KIF13A: variants seen among roughly 807,000 people sequenced by gnomAD.
The protein encoded by KIF13A is kinesin family member 13A, also known as kinesin-like protein KIF13A.
A neutral mutation model predicts 212.2 loss-of-function variants in KIF13A; 79 were observed. That is an observed-to-expected ratio of 0.37 (90% CI 0.31 to 0.45). The LOEUF (loss-of-function observed/expected upper bound fraction) is 0.45, where lower values mean the gene tolerates loss of function less well. Ranked by LOEUF, KIF13A falls within the 20% of genes least tolerant of loss-of-function variation. KIF13A has a pLI of 1.00. For missense variants in KIF13A, 1,901 were observed against 2,209.0 expected (o/e 0.86, Z 2.79); for synonymous variants, 789 against 808.6 (o/e 0.98, Z 0.41).
intron 2 of KIF13A, among the ~76,000 whole-genome samples, chr6:17,979,772 AAAAAAAAGAGAGACT>A (rs1780891514): frequency 6.6e-6 from 1 of 152,096 alleles, no homozygotes; most frequent in African/African-American, 2.4e-5. Context: ...GGTTTGAAAA[AAAAAAAAGAGAGACT>A]AAAAAAAGAG....
chr6:17,846,041 C>CTTTTTTTTT (rs34232861), intron 9 of KIF13A, among the ~76,000 whole-genome samples: 8 of 83,254 alleles, frequency 9.6e-5, no homozygotes, highest in Non-Finnish European at 1.6e-4. Flanking sequence ...GGAACTCAAC[C>CTTTTTTTTT]TTTTTTTTTT....
chr6:17,896,688 T>G (rs1049522483), intron 3 of KIF13A, among the ~76,000 whole-genome samples: 2 of 152,244 alleles, frequency 1.3e-5, no homozygotes, highest in Non-Finnish European at 2.9e-5. Context: ...TGGGAACCAC[T>G]AGGCTATATA....
intron 2 of KIF13A, among the ~76,000 whole-genome samples, chr6:17,928,479 A>C (rs1232077104): frequency 6.6e-6 from 1 of 152,208 alleles, no homozygotes; most frequent in Admixed American, 6.5e-5. Flanking sequence ...CCACCACCAA[A>C]GGGCAGAGGA....
At chr6:17,859,821 G>A (rs1768559308) in intron 4 of KIF13A, among the ~76,000 whole-genome samples, 1 of 151,562 alleles carries the variant, frequency 6.6e-6, no homozygotes, top group South Asian at 2.1e-4. Flanking sequence ...ATCTTTAGTA[G>A]AGACGAGGTT....
chr6:17,781,311 T>A lies in KIF13A; in HGVS notation c.3545-10A>T. The A allele has an allele frequency of 6.4e-7, 1 of 1,560,652 alleles. No homozygotes were observed. Among genetic ancestry groups the A allele is most frequent in the Non-Finnish European group, 8.6e-7 (1 of 1,158,748 alleles). On this transcript the variant is annotated splice_polypyrimidine_tract_variant and intron_variant, in intron 29 of 38. Transcript: ENST00000259711. Reference sequence around the variant, plus strand: ...GCACTGAGGTCATCCGCTAACCACATCAGGAGCACAGAAAAAACAGTAGGG... The same window carrying A: ...GCACTGAGGTCATCCGCTAACCACAACAGGAGCACAGAAAAAACAGTAGGG...
At chr6:17,761,017 T>C (rs900201065), downstream of KIF13A, 7 of 745,764 alleles carry the variant, frequency 9.4e-6, no homozygotes, top group African/African-American at 8.8e-5. Context: ...GGTTTTATTA[T>C]GGAATCCAGT....
At position 17,912,764 on chromosome 6, in the gene KIF13A, C is replaced by G. The variant is rs772560755; in HGVS notation, c.147-14584G>C. 1.3e-4 allele frequency among the ~76,000 whole-genome samples: 20 copies of G among 152,114 alleles called. No individual in the cohort carries two copies. The highest frequency in any genetic ancestry group is 8.3e-4 in the South Asian group (4 of 4,824). On this transcript the variant is annotated intron_variant, in intron 2 of 38. Transcript: ENST00000259711. The surrounding 1 kb of genome is among the most constrained non-coding windows in gnomAD (Gnocchi z 4.2). ...TCCTCCCAGTAATGATTTGGAAGCA[C>G]TGAGAAAAGGTTACTTGTTTCTCAT...
At position 17,776,345 on chromosome 6, in the gene KIF13A, A is replaced by G. The variant is rs756060792; in HGVS notation, c.4170+932T>C. 5.3e-5 allele frequency among the ~76,000 whole-genome samples: 8 copies of G among 152,206 alleles called. No homozygotes were observed. Among genetic ancestry groups the G allele is most frequent in the Non-Finnish European group, 1.0e-4 (7 of 68,036 alleles). ...AATTTAGGGCTAATAATTTCTAGGT[A>G]CCACTTTAGCTGCATTGCACAAACA... On this transcript the variant is annotated intron_variant, in intron 34 of 38. Transcript: ENST00000259711. The surrounding 1 kb of genome is among the most constrained non-coding windows in gnomAD (Gnocchi z 4.6).
chr6:17,839,302 C>T lies in KIF13A; in HGVS notation c.831-1719G>A, dbSNP rs114074513. ...ATTTAAAGGTGAAACAAATCTAACC[C>T]AAGAGAAGTGAAAACATAAGTCTAC... On this transcript the variant is annotated intron_variant, in intron 9 of 38. Coordinates refer to ENST00000259711, the MANE Select transcript of KIF13A (RefSeq NM_022113.6). This position sits in a 1 kb window ranked among gnomAD's most constrained non-coding sequence, Gnocchi z 4.3. 0.012 allele frequency among the ~76,000 whole-genome samples: 1,852 copies of T among 152,170 alleles called. 40 individuals carry two copies. The highest frequency in any genetic ancestry group is 0.042 in the African/African-American group (1,757 of 41,498).
chr6:17,950,583 C>CA (rs1478732392), intron 2 of KIF13A: 3 of 984,972 alleles, frequency 3.0e-6, no homozygotes, highest in Admixed American at 6.2e-5. Flanking sequence ...AGGATTTTAA[C>CA]AAAAGCATTA....
chr6:17,863,470 T>C (rs1769047752), intron 4 of KIF13A, among the ~76,000 whole-genome samples: 2 of 151,906 alleles, frequency 1.3e-5, no homozygotes, highest in South Asian at 4.1e-4. Context: ...GTTCTAGAGT[T>C]CCCCTTATTC....
chr6:17,845,618 A>G (rs1249073103), intron 9 of KIF13A, among the ~76,000 whole-genome samples: 1 of 152,226 alleles, frequency 6.6e-6, no homozygotes, highest in East Asian at 1.9e-4. Flanking sequence ...AGAGTGCTCT[A>G]TGATCCAAAT....
At chr6:17,879,578 G>A (rs1215759013) in intron 3 of KIF13A, among the ~76,000 whole-genome samples, 3 of 152,130 alleles carry the variant, frequency 2.0e-5, no homozygotes, top group African/African-American at 4.8e-5. Context: ...TGGTTCAGGT[G>A]GATAAACAAG....
chr6:17,901,674 C>T (rs868363477), intron 2 of KIF13A, among the ~76,000 whole-genome samples: 42 of 152,188 alleles, frequency 2.8e-4, no homozygotes, highest in African/African-American at 9.9e-4. Flanking sequence ...CAAACCCCTT[C>T]CATTTTGGAG....
downstream of KIF13A, chr6:17,760,873 C>T (rs1015773709): frequency 9.3e-6 from 15 of 1,613,716 alleles, no homozygotes; most frequent in Non-Finnish European, 1.3e-5. Context: ...TGAGGTTGTG[C>T]CTCCCTGGAA....
At position 17,976,801 on chromosome 6, in the gene KIF13A, CAAAAAAA is replaced by C. The variant is rs998413837; in HGVS notation, c.146+10246_146+10252del. Among the ~76,000 whole-genome samples, 18 of 98,728 alleles carry C rather than the reference CAAAAAAA, an allele frequency of 1.8e-4. No homozygotes were observed. The East Asian group carries it at 3.1e-3, about 17-fold the overall frequency. 64.8% of individuals were successfully genotyped at this position (98,728 alleles called of 152,430 possible). A position where few individuals can be genotyped will look rare whatever the true frequency, so the allele number is the denominator to read the frequency against. Reference sequence around the variant, plus strand: ...TGGGCAACAGAGCAAGACTCCATCTCAAAAAAAAAAAAAAAAAAGAGGCTGGGTGTGG... The same window carrying C: ...TGGGCAACAGAGCAAGACTCCATCTCAAAAAAAAAAAGAGGCTGGGTGTGG... On this transcript the variant is annotated intron_variant, in intron 2 of 38. Transcript: ENST00000259711.
At chr6:17,986,793 C>G (rs1015453459) in intron 2 of KIF13A, among the ~76,000 whole-genome samples, 1 of 152,250 alleles carries the variant, frequency 6.6e-6, no homozygotes, top group Non-Finnish European at 1.5e-5. Context: ...CCCTCTCCCT[C>G]CCGGGTGCCT....
chr6:17,881,443 T>TAAA (rs34985576), intron 3 of KIF13A: 19 of 390,296 alleles, frequency 4.9e-5, no homozygotes, highest in Admixed American at 1.0e-4. Context: ...AATTTACAGT[T>TAAA]AAAAAAAAAA....
intron 9 of KIF13A, among the ~76,000 whole-genome samples, chr6:17,845,912 C>T (rs757612868): frequency 7.2e-5 from 11 of 152,074 alleles, no homozygotes; most frequent in South Asian, 2.1e-4. Flanking sequence ...CAGACACTGA[C>T]GTTTGTGTGA....
Sources: gnomAD v4.1 joint callset for allele counts (sites outside exome capture counted in the v4.1 genomes callset) on GRCh38, gnomAD v4.1.1 for gene constraint, Gnocchi (gnomAD v3.1) non-coding constraint, MANE v1.5 for transcripts, NCBI Gene and HGNC (gene_info 2026-07-23, HGNC 2026-07-21) for gene names.